IFITM10: variants seen among roughly 807,000 people sequenced by gnomAD.
IFITM10 encodes the protein interferon induced transmembrane protein 10.
A neutral mutation model predicts 19.0 loss-of-function variants in IFITM10; 17 were observed. The ratio of observed to expected loss-of-function variants is 0.90; its 90% CI spans 0.61 to 1.34. The LOEUF (loss-of-function observed/expected upper bound fraction) is 1.34. Ranked by LOEUF, IFITM10 falls within the 40% of genes most tolerant of loss-of-function variation. IFITM10 has a pLI of 0.00. For synonymous variants in IFITM10, 148 were observed against 147.2 expected (o/e 1.01, Z -0.04); for missense variants, 306 against 319.8 (o/e 0.96, Z 0.33).
At chr11:1,743,166 T>C (rs976076721) in intron 2 of IFITM10, among the ~76,000 whole-genome samples, 2 of 147,128 alleles carry the variant, frequency 1.4e-5, no homozygotes, top group South Asian at 2.2e-4. Context: ...GGAGGATGGA[T>C]GGATGGACAG....
intron 2 of IFITM10, among the ~76,000 whole-genome samples, 182 bp from the exon 3 acceptor site, chr11:1,735,611 G>A (rs764427804): frequency 7.9e-5 from 12 of 152,178 alleles, no homozygotes; most frequent in African/African-American, 2.7e-4. Context: ...CACTGTACAC[G>A]GATGAACTTG....
intron 1 of IFITM10, among the ~76,000 whole-genome samples, chr11:1,749,888 C>G (rs1266500251): frequency 2.0e-5 from 3 of 152,148 alleles, no homozygotes; most frequent in Non-Finnish European, 4.4e-5. Flanking sequence ...TGACTTCACC[C>G]AGCCGGGGCC....
At position 1,735,566 on chromosome 11, in the gene IFITM10, C is replaced by T. The variant is rs1398216891; in HGVS notation, c.538-137G>A. On this transcript the variant is annotated intron_variant, in intron 2 of 2. Coordinates refer to ENST00000340134, the MANE Select transcript of IFITM10 (RefSeq NM_001170820.4). ...TTGTTTCCGAGAGCTGACGAATGAACGATGGTTCTAGAGGAACATGTCTCT... is the reference window on the plus strand; with the variant it reads ...TTGTTTCCGAGAGCTGACGAATGAATGATGGTTCTAGAGGAACATGTCTCT... 8 of 807,926 alleles carry T rather than the reference C, an allele frequency of 9.9e-6. No individual in the cohort carries two copies. The Admixed American group carries it at 1.4e-4, about 15-fold the overall frequency. 50.0% of individuals were successfully genotyped at this position (807,926 alleles called of 1,614,324 possible). A position where few individuals can be genotyped will look rare whatever the true frequency, so the allele number is the denominator to read the frequency against.
At chr11:1,736,120 G>A (rs1266635998) in intron 2 of IFITM10, among the ~76,000 whole-genome samples, 2 of 152,182 alleles carry the variant, frequency 1.3e-5, no homozygotes, top group Non-Finnish European at 2.9e-5. Context: ...CCACAAATAT[G>A]TGCGTGTTTG....
chr11:1,747,059 C>T (rs1378289040), intron 2 of IFITM10, among the ~76,000 whole-genome samples: 2 of 152,172 alleles, frequency 1.3e-5, no homozygotes, highest in Non-Finnish European at 2.9e-5. Flanking sequence ...TGCTCTGCTA[C>T]CAGCCAGCTC....
intron 1 of IFITM10, among the ~76,000 whole-genome samples, chr11:1,749,667 G>T (rs1388509892): frequency 6.6e-6 from 1 of 151,174 alleles, no homozygotes; most frequent in Non-Finnish European, 1.5e-5. Flanking sequence ...CCAGTCCCCT[G>T]AGCCCCAGCA....
chr11:1,735,447 A>T lies in IFITM10; in HGVS notation c.538-18T>A. 3 of 1,549,924 alleles carry T rather than the reference A, an allele frequency of 1.9e-6. No individual in the cohort carries two copies. The highest frequency in any genetic ancestry group is 2.6e-6 in the Non-Finnish European group (3 of 1,145,912). On this transcript the variant is annotated intron_variant, in intron 2 of 2. Coordinates refer to ENST00000340134, the MANE Select transcript of IFITM10 (RefSeq NM_001170820.4). ...TCTCGCACCTGAAGCCGGGAGGAGG[A>T]CAGGAAATGGGCAGTCAGCCAGGGA...
At position 1,747,877 on chromosome 11, in the gene IFITM10, C is replaced by G; in HGVS notation, c.327G>C (p.Lys109Asn). The G allele has an allele frequency of 6.5e-7, 1 of 1,532,384 alleles. No homozygotes were observed. The allele number at this position is 1,532,384 out of a possible 1,614,324, so 94.9% of individuals were successfully genotyped here. A position where few individuals can be genotyped will look rare whatever the true frequency, so the allele number is the denominator to read the frequency against. The change falls in exon 2 of 3, where the codon AAG (lysine) becomes AAC (asparagine). Residue 109 changes from lysine to asparagine, a missense_variant. By Grantham distance (94) the Lys-to-Asn change is moderately conservative. Coordinates refer to ENST00000340134, the MANE Select transcript of IFITM10 (RefSeq NM_001170820.4). ...CCCGCACGCTGTCGGTCTTGCTGCT[C>G]TTGGACTCCATGGGGAACAGTGTGG... ...MAPTLFPMESKSSKTDSVRAA... is the reference protein window; with the variant it reads ...MAPTLFPMESNSSKTDSVRAA...
intron 2 of IFITM10, among the ~76,000 whole-genome samples, chr11:1,741,103 T>C (rs927267554): frequency 1.3e-5 from 2 of 151,958 alleles, no homozygotes; most frequent in Non-Finnish European, 2.9e-5. Flanking sequence ...TAAACCTCTT[T>C]TCTTATAAAT....
intron 2 of IFITM10, among the ~76,000 whole-genome samples, chr11:1,737,632 G>A (rs1337080821): frequency 6.6e-6 from 1 of 152,184 alleles, no homozygotes; most frequent in East Asian, 1.9e-4. Flanking sequence ...CTCCTCTCAT[G>A]GAGGCAAAGA....
chr11:1,742,610 C>T, intron 2 of IFITM10, among the ~76,000 whole-genome samples: 1 of 152,104 alleles, frequency 6.6e-6, no homozygotes, highest in Non-Finnish European at 1.5e-5. Flanking sequence ...CATGAGGTCA[C>T]AGGATGGAGG....
rs866723386 is a variant in IFITM10, at chr11:1,735,373, C to T, written c.594G>A (p.Thr198=). The part of the protein sequence containing the change: ...DLNGAVEDAK[T]ARLFNITSSA... ...AACTGGTGATGTTGAACAGCCGGGC[C>T]GTCTTTGCATCCTCCACGGCTCCAT... The change falls in exon 3 of 3, where the codon ACG becomes ACA. Residue 198 remains threonine (T), a synonymous_variant. Coordinates refer to ENST00000340134, the MANE Select transcript of IFITM10 (RefSeq NM_001170820.4). The T allele has an allele frequency of 1.7e-5, 27 of 1,551,586 alleles. No homozygotes were observed. In the Middle Eastern group the frequency reaches 8.3e-4, roughly 48 times the overall value.
chr11:1,742,520 TG>T (rs1845579421), intron 2 of IFITM10, among the ~76,000 whole-genome samples: 1 of 152,134 alleles, frequency 6.6e-6, no homozygotes, highest in African/African-American at 2.4e-5. Context: ...ACTCAGTGAA[TG>T]GGTGAGTGTG....
intron 2 of IFITM10, chr11:1,745,283 C>T (rs1024054636): frequency 3.9e-5 from 6 of 152,428 alleles, no homozygotes; most frequent in Admixed American, 6.5e-5. Context: ...AGCTTCCGGA[C>T]GGGAGCCCAG....
chr11:1,739,738 G>A (rs779645656), intron 2 of IFITM10, among the ~76,000 whole-genome samples: 3 of 152,082 alleles, frequency 2.0e-5, no homozygotes, highest in East Asian at 3.9e-4. Context: ...AGGAAAGATC[G>A]GAAGAATGTG....
chr11:1,741,465 G>T (rs1442502009), intron 2 of IFITM10, among the ~76,000 whole-genome samples: 2 of 152,018 alleles, frequency 1.3e-5, no homozygotes, highest in Non-Finnish European at 2.9e-5. Flanking sequence ...GCGGGAGAGA[G>T]AACAGGCTGA....
chr11:1,743,419 G>A (rs557712224), intron 2 of IFITM10, among the ~76,000 whole-genome samples: 1 of 149,430 alleles, frequency 6.7e-6, no homozygotes, highest in Non-Finnish European at 1.5e-5. Context: ...TGGATGGAGG[G>A]TGGATGGATA....
Position 1,735,353 on chromosome 11 carries a change from G to A in IFITM10, c.614C>T (p.Thr205Ile), listed in dbSNP as rs1287231483. The A allele has an allele frequency of 6.4e-7, 1 of 1,551,730 alleles. No individual in the cohort carries two copies. Residue 205 changes from threonine to isoleucine, a missense_variant, in exon 3 of 3, where the codon ACC (threonine) becomes ATC (isoleucine). Thr to Ile is a moderately conservative substitution (Grantham distance 89). Transcript: ENST00000340134. ...DAKTARLFNI[T>I]SSALAASCII... ...GCAGGAGGCTGCCAGGGCAGAACTG[G>A]TGATGTTGAACAGCCGGGCCGTCTT...
intron 2 of IFITM10, among the ~76,000 whole-genome samples, chr11:1,743,020 G>GAAA (rs1845588022): frequency 6.7e-6 from 1 of 150,344 alleles, no homozygotes; most frequent in African/African-American, 2.5e-5. Flanking sequence ...ATGGATGGAT[G>GAAA]GATTGAGGGT....
Sources: allele counts gnomAD v4.1 joint callset (sites outside exome capture counted in the v4.1 genomes callset), GRCh38; gene constraint gnomAD v4.1.1; transcripts MANE v1.5; gene names NCBI Gene and HGNC (gene_info 2026-07-23, HGNC 2026-07-21).